Variants in TRHDE observed in about 807,000 individuals in gnomAD.
TRHDE encodes the protein thyrotropin releasing hormone degrading enzyme.
TRHDE carries 72 observed loss-of-function variants against 125.7 expected under a neutral mutation model. The observed-to-expected ratio is 0.57, with a 90% CI of 0.47 to 0.70. TRHDE has a LOEUF of 0.70. Among genes scored for constraint, TRHDE ranks in the 30% least tolerant of loss-of-function variants. TRHDE has a pLI of 0.00. For missense variants in TRHDE, 1,110 were observed against 1,327.1 expected, an observed-to-expected ratio of 0.84 and a Z score of 2.54; for synonymous variants, 509 against 509.1, an observed-to-expected ratio of 1.00 and a Z score of 0.00.
intron 2 of TRHDE, among the ~76,000 whole-genome samples, chr12:72,187,446 G>GGGT (rs971743256): frequency 3.8e-4 from 56 of 148,742 alleles, no homozygotes; most frequent in East Asian, 3.0e-3. Flanking sequence ...GAGGTGGGGG[G>GGGT]GGTGGTGGTG....
chr12:72,615,142 C>A (rs765014960), intron 12 of TRHDE, among the ~76,000 whole-genome samples: 2 of 151,950 alleles, frequency 1.3e-5, no homozygotes, highest in Non-Finnish European at 2.9e-5. Context: ...CTTTGATTCC[C>A]AAATCATCTC....
chr12:72,647,055 T>G (rs766359729), intron 15 of TRHDE, among the ~76,000 whole-genome samples: 105 of 152,094 alleles, frequency 6.9e-4, no homozygotes, highest in Non-Finnish European at 1.0e-3. Flanking sequence ...TTTCTCCAAG[T>G]TGGATTACAT....
chr12:72,636,159 T>C (rs1159074286), intron 15 of TRHDE, among the ~76,000 whole-genome samples: 1 of 152,204 alleles, frequency 6.6e-6, no homozygotes, highest in Non-Finnish European at 1.5e-5. Flanking sequence ...TCCATGTGTT[T>C]GTATCCTCTT....
intron 15 of TRHDE, among the ~76,000 whole-genome samples, chr12:72,638,900 G>A (rs957231615): frequency 2.5e-4 from 38 of 151,796 alleles, no homozygotes; most frequent in African/African-American, 9.2e-4. Flanking sequence ...GCTTCCCTTT[G>A]AGGGTAACCC....
intron 2 of TRHDE, among the ~76,000 whole-genome samples, chr12:72,220,236 T>C (rs11179112): frequency 0.33 from 50,416 of 151,806 alleles, 8,690 homozygotes; most frequent in Admixed American, 0.38. Context: ...GATTTTCTTT[T>C]CTTCAGTCCT....
At chr12:72,130,365 G>T (rs1875832637) in intron 2 of TRHDE, among the ~76,000 whole-genome samples, 1 of 152,146 alleles carries the variant, frequency 6.6e-6, no homozygotes, top group African/African-American at 2.4e-5. Flanking sequence ...GAACAGAAGT[G>T]CAGGATTGCC....
Position 72,263,007 on chromosome 12 carries a change from T to G in TRHDE, n.280-114988T>G, listed in dbSNP as rs116381093. 472 of 152,266 alleles carry G rather than the reference T, an allele frequency of 3.1e-3. 2 individuals are homozygous for G. The highest frequency in any genetic ancestry group is 0.011 in the African/African-American group (454 of 41,550). 9.4% of individuals were successfully genotyped at this position (152,266 alleles called of 1,614,324 possible). On this transcript the variant is annotated intron_variant and non_coding_transcript_variant, in intron 2 of 4. Coordinates refer to the TRHDE transcript ENST00000548156. The stretch of plus-strand genomic sequence containing the variant: ...CATTTGATATTAAAAAGGCTATTGT[T>G]ACATAATGTAACCCAATTAATTAGG...
intron 2 of TRHDE, among the ~76,000 whole-genome samples, chr12:72,163,456 A>C (rs1257926462): frequency 6.6e-6 from 1 of 152,216 alleles, no homozygotes; most frequent in Non-Finnish European, 1.5e-5. Flanking sequence ...GTCAAGCCTT[A>C]GGGGAAAAGG....
Position 72,570,242 on chromosome 12 carries a change from A to G in TRHDE, c.2131+1586A>G, listed in dbSNP as rs200967401. Among the ~76,000 whole-genome samples, 12 of 152,310 alleles carry G rather than the reference A, an allele frequency of 7.9e-5. No homozygotes were observed. In the East Asian group the frequency reaches 2.1e-3, roughly 27 times the overall value. On this transcript the variant is annotated intron_variant, in intron 10 of 18. Coordinates refer to ENST00000261180, the MANE Select transcript of TRHDE (RefSeq NM_013381.3). Reference sequence around the variant, plus strand: ...TTCTTCTAACTTCTTAGTTATTTCCATGCTGTTATGCATGATGTATTTTTA... The same window carrying G: ...TTCTTCTAACTTCTTAGTTATTTCCGTGCTGTTATGCATGATGTATTTTTA...
chr12:72,235,555 T>C (rs1878323814), intron 2 of TRHDE, among the ~76,000 whole-genome samples: 1 of 152,202 alleles, frequency 6.6e-6, no homozygotes, highest in Non-Finnish European at 1.5e-5. Context: ...AACAAGCATA[T>C]AATTTTCTTG....
intron 2 of TRHDE, among the ~76,000 whole-genome samples, chr12:72,231,020 T>C (rs1300084784): frequency 6.6e-6 from 1 of 152,200 alleles, no homozygotes; most frequent in African/African-American, 2.4e-5. Flanking sequence ...TGTTGTCATT[T>C]TGGAATTTGG....
chr12:72,398,237 T>C (rs532862834), intron 3 of TRHDE, among the ~76,000 whole-genome samples: 1 of 152,102 alleles, frequency 6.6e-6, no homozygotes, highest in East Asian at 1.9e-4. Flanking sequence ...CTATCATTGT[T>C]GGACATTTGG....
At chr12:72,288,451 A>G (rs565379827) in intron 2 of TRHDE, among the ~76,000 whole-genome samples, 52 of 152,270 alleles carry the variant, frequency 3.4e-4, no homozygotes, top group African/African-American at 1.2e-3. Context: ...CACTTCTTAG[A>G]AGGCCAGTAG....
At chr12:72,203,598 A>G (rs1346259740) in intron 2 of TRHDE, among the ~76,000 whole-genome samples, 4 of 152,214 alleles carry the variant, frequency 2.6e-5, no homozygotes. Context: ...ATGTTATTTT[A>G]TATTTATTGG....
chr12:72,414,748 C>A (rs1388456812), intron 3 of TRHDE, among the ~76,000 whole-genome samples: 1 of 152,012 alleles, frequency 6.6e-6, no homozygotes, highest in Non-Finnish European at 1.5e-5. Flanking sequence ...TGATCTCTTC[C>A]TAGTATCTTC....
At chr12:72,248,436 A>G (rs1193210810) in intron 2 of TRHDE, among the ~76,000 whole-genome samples, 1 of 151,722 alleles carries the variant, frequency 6.6e-6, no homozygotes, top group African/African-American at 2.4e-5. Context: ...AAAAAAAAAA[A>G]AAAGCGAAGT....
intron 3 of TRHDE, among the ~76,000 whole-genome samples, chr12:72,394,283 A>T (rs1217997736): frequency 6.6e-6 from 1 of 152,162 alleles, no homozygotes; most frequent in Non-Finnish European, 1.5e-5. Context: ...TTACAACAGG[A>T]TTTAAAGGAG....
At chr12:72,305,589 G>A (rs1482998685) in intron 2 of TRHDE, among the ~76,000 whole-genome samples, 1 of 152,174 alleles carries the variant, frequency 6.6e-6, no homozygotes, top group Admixed American at 6.5e-5. Context: ...TATGAGAGCG[G>A]TTGTATTAGG....
At chr12:72,262,343 AG>A (rs1878969802) in intron 2 of TRHDE, among the ~76,000 whole-genome samples, 1 of 152,182 alleles carries the variant, frequency 6.6e-6, no homozygotes, top group African/African-American at 2.4e-5. Flanking sequence ...AACATTTAAA[AG>A]GAAACTCCTA....
Sources: gnomAD v4.1 joint callset for allele counts (sites outside exome capture counted in the v4.1 genomes callset) on GRCh38, gnomAD v4.1.1 for gene constraint, MANE v1.5 for transcripts, NCBI Gene and HGNC (gene_info 2026-07-23, HGNC 2026-07-21) for gene names.